Variants in EPHA3 observed in about 807,000 individuals in gnomAD.
The protein encoded by EPHA3 is ephrin type-A receptor 3.
A neutral mutation model predicts 107.1 loss-of-function variants in EPHA3; 42 were observed. The ratio of observed to expected loss-of-function variants is 0.39; its 90% confidence interval spans 0.31 to 0.51. The LOEUF (loss-of-function observed/expected upper bound fraction) is 0.51. Ranked by LOEUF, EPHA3 falls within the 20% of genes least tolerant of loss-of-function variation. EPHA3 has a pLI of 0.78. For missense variants in EPHA3, 1,183 were observed against 1,211.2 expected (o/e 0.98, Z 0.35); for synonymous variants, 461 against 424.8 (o/e 1.09, Z -1.05).
At chr3:89,272,886 A>G (rs1043108980) in intron 3 of EPHA3, among the ~76,000 whole-genome samples, 3 of 151,946 alleles carry the variant, frequency 2.0e-5, no homozygotes, top group African/African-American at 7.2e-5. Flanking sequence ...AATAGAATTA[A>G]TGTTCTCTGA....
At chr3:89,273,365 C>T (rs1469200336) in intron 3 of EPHA3, among the ~76,000 whole-genome samples, 2 of 151,926 alleles carry the variant, frequency 1.3e-5, no homozygotes, top group Non-Finnish European at 2.9e-5. Flanking sequence ...CATGTTATAT[C>T]TCTCACTGTT....
intron 3 of EPHA3, among the ~76,000 whole-genome samples, chr3:89,251,591 A>T (rs1184073774): frequency 6.6e-6 from 1 of 152,092 alleles, no homozygotes; most frequent in African/African-American, 2.4e-5. Context: ...TCTAATTTAA[A>T]TATGAATCAA....
intron 5 of EPHA3, among the ~76,000 whole-genome samples, chr3:89,388,260 T>G (rs915725864): frequency 2.8e-4 from 43 of 152,010 alleles, no homozygotes; most frequent in African/African-American, 9.9e-4. Flanking sequence ...CTAACCAAAT[T>G]CCATGGTAGA....
At chr3:89,342,171 G>C in intron 5 of EPHA3, 81 bp downstream of exon 5, 1 of 1,310,222 alleles carries the variant, frequency 7.6e-7, no homozygotes, top group East Asian at 2.5e-5. Context: ...AAACTGGGCG[G>C]AAGGAAAAAA....
intron 3 of EPHA3, among the ~76,000 whole-genome samples, chr3:89,284,149 G>A (rs1296484670): frequency 6.6e-6 from 1 of 152,184 alleles, no homozygotes; most frequent in Non-Finnish European, 1.5e-5. Context: ...TGTTGTTATA[G>A]GAATGTGTTC....
chr3:89,204,480 CCACA>C (rs57892338), intron 2 of EPHA3, among the ~76,000 whole-genome samples: 21,400 of 149,786 alleles, frequency 0.14, 1,614 homozygotes, highest in African/African-American at 0.2. Flanking sequence ...ATTTGACACA[CCACA>C]CACACACACA....
At chr3:89,382,815 T>C (rs1294963138) in intron 5 of EPHA3, among the ~76,000 whole-genome samples, 1 of 152,172 alleles carries the variant, frequency 6.6e-6, no homozygotes, top group Non-Finnish European at 1.5e-5. Flanking sequence ...GGAAAGGCTC[T>C]GGATTGGTTA....
intron 3 of EPHA3, among the ~76,000 whole-genome samples, chr3:89,289,758 A>G (rs1451878617): frequency 6.6e-6 from 1 of 152,130 alleles, no homozygotes; most frequent in Non-Finnish European, 1.5e-5. Flanking sequence ...AGACACGCAC[A>G]ACAGGAAAGA....
chr3:89,220,056 C>T (rs930859140), intron 3 of EPHA3, among the ~76,000 whole-genome samples: 2 of 152,050 alleles, frequency 1.3e-5, no homozygotes, highest in African/African-American at 4.8e-5. Flanking sequence ...TGCTTACTGG[C>T]ACCTCCTGTT....
intron 5 of EPHA3, among the ~76,000 whole-genome samples, chr3:89,356,314 A>G (rs1707955073): frequency 6.6e-6 from 1 of 150,904 alleles, no homozygotes; most frequent in Non-Finnish European, 1.5e-5. Context: ...GTGTCTTTAT[A>G]GCAGCATGAT....
chr3:89,343,833 C>T (rs569102759), intron 5 of EPHA3, among the ~76,000 whole-genome samples: 1 of 152,064 alleles, frequency 6.6e-6, no homozygotes, highest in South Asian at 2.1e-4. Flanking sequence ...GAGCTAGATC[C>T]CAGACCAACC....
intron 3 of EPHA3, among the ~76,000 whole-genome samples, chr3:89,231,013 A>G (rs1017426212): frequency 2.6e-5 from 4 of 152,162 alleles, no homozygotes; most frequent in African/African-American, 9.7e-5. Context: ...TTCTGAATAA[A>G]AGCAATATAT....
intron 3 of EPHA3, among the ~76,000 whole-genome samples, chr3:89,330,678 T>A (rs1230466233): frequency 1.3e-5 from 2 of 152,174 alleles, no homozygotes; most frequent in African/African-American, 2.4e-5. Flanking sequence ...TCATCTTTTA[T>A]TTGCAGAGTG....
chr3:89,142,504 T>C (rs1233523813), intron 2 of EPHA3, among the ~76,000 whole-genome samples: 5 of 151,484 alleles, frequency 3.3e-5, no homozygotes, highest in East Asian at 3.9e-4. Flanking sequence ...AGTATTAACA[T>C]TGATTTCATC....
chr3:89,323,635 T>C (rs1183363517), intron 3 of EPHA3, among the ~76,000 whole-genome samples: 1 of 152,130 alleles, frequency 6.6e-6, no homozygotes, highest in African/African-American at 2.4e-5. Context: ...ACAGGCTTTC[T>C]ATTTTTGAAG....
chr3:89,222,490 ATATG>A (rs1559607691), intron 3 of EPHA3, among the ~76,000 whole-genome samples: 2 of 148,598 alleles, frequency 1.3e-5, no homozygotes, highest in East Asian at 1.9e-4. Flanking sequence ...GCAAAATAAT[ATATG>A]TATTATATAA....
intron 15 of EPHA3, among the ~76,000 whole-genome samples, chr3:89,458,034 C>T (rs1710134914): frequency 6.6e-6 from 1 of 152,028 alleles, no homozygotes; most frequent in Non-Finnish European, 1.5e-5. Context: ...ACAGGTCTGC[C>T]ATGCAGATAA....
intron 2 of EPHA3, among the ~76,000 whole-genome samples, chr3:89,207,675 T>C (rs553747561): frequency 6.6e-6 from 1 of 152,260 alleles, no homozygotes; most frequent in African/African-American, 2.4e-5. Flanking sequence ...ATTAATGCTT[T>C]ATTGGAGAAA....
chr3:89,415,463 AAAG>A (rs1709227400), intron 10 of EPHA3, among the ~76,000 whole-genome samples: 1 of 97,148 alleles, frequency 1.0e-5, no homozygotes, highest in African/African-American at 4.3e-5. Flanking sequence ...AAATTTACAG[AAAG>A]AATATATATA....
Sources: gnomAD v4.1 joint callset for allele counts (sites outside exome capture counted in the v4.1 genomes callset) on GRCh38, gnomAD v4.1.1 for gene constraint, MANE v1.5 for transcripts, NCBI Gene and HGNC (gene_info 2026-07-23, HGNC 2026-07-21) for gene names.